Variants in CEACAM3 observed in about 807,000 individuals in gnomAD.
CEACAM3 encodes CEA cell adhesion molecule 3.
In CEACAM3, 32 loss-of-function variants were observed where a neutral mutation model predicts 30.1. That is an observed-to-expected ratio of 1.06 (90% confidence interval 0.80 to 1.43). CEACAM3 has a LOEUF of 1.43. Ranked by LOEUF, CEACAM3 falls within the 40% of genes most tolerant of loss-of-function variation. CEACAM3 has a pLI of 0.00. For synonymous variants in CEACAM3, 134 were observed against 127.2 expected (o/e 1.05, Z -0.36); for missense variants, 290 against 316.3 (o/e 0.92, Z 0.63).
At chr19:41,807,510 C>T (rs2073213031) in intron 2 of CEACAM3, 14 of 1,421,300 alleles carry the variant, frequency 9.9e-6, no homozygotes, top group Non-Finnish European at 1.3e-5. Flanking sequence ...CCATCACTTC[C>T]TGTCCCAAGC....
chr19:41,803,730 T>A (rs2123004961), intron 2 of CEACAM3, among the ~76,000 whole-genome samples: 25,441 of 83,348 alleles, frequency 0.31, 6,607 homozygotes, highest in Middle Eastern at 0.56. Context: ...CCTCCAAAAG[T>A]GCTGGGATTA....
intron 2 of CEACAM3, among the ~76,000 whole-genome samples, chr19:41,806,059 GCT>G (rs555723263): frequency 6.6e-6 from 1 of 152,000 alleles, no homozygotes; most frequent in African/African-American, 2.4e-5. Context: ...ACGGAGTCTT[GCT>G]CTGTCACTCA....
At chr19:41,808,779 G>A in intron 2 of CEACAM3, 34 bp from the exon 3 acceptor site, 1 of 1,549,592 alleles carries the variant, frequency 6.5e-7, no homozygotes, top group Non-Finnish European at 8.9e-7. Flanking sequence ...GATAGACTTG[G>A]GCCTCTATCC....
chr19:41,798,602 C>T (rs545021681), intron 2 of CEACAM3, among the ~76,000 whole-genome samples: 2 of 152,344 alleles, frequency 1.3e-5, no homozygotes, highest in East Asian at 3.9e-4. Context: ...CATGAGCCCA[C>T]TGCCCAGGGG....
chr19:41,808,747 A>G, intron 2 of CEACAM3, 66 bp from the exon 3 acceptor site: 1 of 1,299,546 alleles, frequency 7.7e-7, no homozygotes, highest in Non-Finnish European at 1.1e-6. Context: ...CTTCCCTGCA[A>G]GGCCCCTGTG....
intron 2 of CEACAM3, chr19:41,807,469 G>T: frequency 7.3e-7 from 1 of 1,364,036 alleles, no homozygotes; most frequent in Non-Finnish European, 9.7e-7. Context: ...TCCCTCTCAA[G>T]TCCAGGGACT....
chr19:41,801,976 C>T (rs782249719), intron 2 of CEACAM3, among the ~76,000 whole-genome samples: 6 of 152,186 alleles, frequency 3.9e-5, no homozygotes, highest in Non-Finnish European at 7.3e-5. Flanking sequence ...ATCATCCTTG[C>T]TTCAAAGTTA....
chr19:41,799,755 G>A (rs1268629594), intron 2 of CEACAM3, among the ~76,000 whole-genome samples: 3 of 152,130 alleles, frequency 2.0e-5, no homozygotes, highest in Admixed American at 6.6e-5. Context: ...GTTCTCTGAC[G>A]AAGGAGGGAA....
At chr19:41,810,269 G>T in intron 4 of CEACAM3, 54 bp from the exon 5 acceptor site, 1 of 1,579,876 alleles carries the variant, frequency 6.3e-7, no homozygotes. Flanking sequence ...CCTTCCTGGA[G>T]AGGGGATAAG....
In CEACAM3 at chr19:41,797,835, ATGCATCCC is replaced by A. The variant is rs782238827; in HGVS notation, c.315_322del (p.Ser106AspfsTer8). 21 of 1,613,290 alleles carry A rather than the reference ATGCATCCC, an allele frequency of 1.3e-5. No individual in the cohort carries two copies. Among genetic ancestry groups the A allele is most frequent in the Non-Finnish European group, 1.8e-5 (21 of 1,180,032 alleles). Reference sequence around the variant, plus strand: ...AGCGGTCGAGAGACAATATACACCAATGCATCCCTGCTGATCCAGAATGTCACCCAGAA... The same window carrying A: ...AGCGGTCGAGAGACAATATACACCAATGCTGATCCAGAATGTCACCCAGAA... On this transcript the variant is annotated frameshift_variant, in exon 2 of 7. Transcript: ENST00000357396. LOFTEE classifies it high-confidence loss of function.
intron 1 of CEACAM3, chr19:41,797,379 G>A: frequency 4.9e-6 from 3 of 614,616 alleles, no homozygotes; most frequent in Non-Finnish European, 5.6e-6. Flanking sequence ...AGGGAGCCAT[G>A]CAGACCCCTG....
intron 5 of CEACAM3, 61 bp downstream of exon 5, chr19:41,810,415 G>A: frequency 6.5e-7 from 1 of 1,530,102 alleles, no homozygotes. Flanking sequence ...GCTCTGGGCA[G>A]AGGGACCATC....
intron 3 of CEACAM3, 163 bp from the exon 4 acceptor site, chr19:41,809,802 C>T: frequency 2.9e-6 from 2 of 696,628 alleles, no homozygotes; most frequent in Non-Finnish European, 5.2e-6. Flanking sequence ...TAAAGCCTTT[C>T]CTCAACTCCC....
chr19:41,797,790 C>G lies in CEACAM3; in HGVS notation c.266C>G (p.Ala89Gly). ...IVGYVIGTQQ[A>G]TPGAAYSGRE... ...GGATATGTAATAGGAACTCAACAAG[C>G]TACCCCAGGGGCCGCATACAGCGGT... Residue 89 changes from alanine (A) to glycine (G), a missense_variant, in exon 2 of 7, where the codon GCT (alanine) becomes GGT (glycine). By Grantham distance (60) the Ala-to-Gly change is moderately conservative. Transcript: ENST00000357396. The G allele has an allele frequency of 6.2e-7, 1 of 1,612,482 alleles. No homozygotes were observed. Among genetic ancestry groups the G allele is most frequent in the Non-Finnish European group, 8.5e-7 (1 of 1,180,026 alleles).
chr19:41,800,940 T>C (rs2073141499), intron 2 of CEACAM3, among the ~76,000 whole-genome samples: 1 of 152,128 alleles, frequency 6.6e-6, no homozygotes, highest in Admixed American at 6.5e-5. Context: ...TTCTACACTC[T>C]CTCGTCTCCG....
chr19:41,809,955 C>G lies in CEACAM3; in HGVS notation c.543-10C>G. On this transcript the variant is annotated splice_polypyrimidine_tract_variant and intron_variant, in intron 3 of 6. Transcript: ENST00000357396. The stretch of plus-strand genomic sequence containing the variant: ...CTGGCACCCTCCCAAATGACCCTGA[C>G]CTTTCCTAGAACCAGCATCCAGCGT... The G allele has an allele frequency of 6.2e-7, 1 of 1,613,864 alleles. No homozygotes were observed. The highest frequency in any genetic ancestry group is 1.1e-5 in the South Asian group (1 of 91,076).
At chr19:41,808,960 A>C in intron 3 of CEACAM3, 30 bp downstream of exon 3, 2 of 1,475,670 alleles carry the variant, frequency 1.4e-6, no homozygotes, top group Non-Finnish European at 9.2e-7. Context: ...TCCTTCTCCC[A>C]CCCCCTAGGC....
At chr19:41,811,010 CG>C in intron 6 of CEACAM3, 113 bp downstream of exon 6, 1 of 1,280,386 alleles carries the variant, frequency 7.8e-7, no homozygotes, top group Admixed American at 2.1e-5. Flanking sequence ...AAAATAAGAA[CG>C]GGGGTGGCGA....
At chr19:41,810,280 G>C (rs782558453) in intron 4 of CEACAM3, 43 bp from the exon 5 acceptor site, 6 of 1,588,964 alleles carry the variant, frequency 3.8e-6, no homozygotes, top group Middle Eastern at 3.3e-4. Context: ...AGGGGATAAG[G>C]CTCTCCTCCC....
Sources: gnomAD v4.1 joint callset for allele counts (sites outside exome capture counted in the v4.1 genomes callset) on GRCh38, gnomAD v4.1.1 for gene constraint, MANE v1.5 for transcripts, NCBI Gene and HGNC (gene_info 2026-07-23, HGNC 2026-07-21) for gene names.